RBM6: variants seen among roughly 807,000 people sequenced by gnomAD.
RBM6 encodes RNA binding motif protein 6.
Under a neutral mutation model 140.4 loss-of-function variants are expected in RBM6, and 23 were observed. That is an observed-to-expected ratio of 0.16 (90% CI 0.12 to 0.23). The LOEUF (loss-of-function observed/expected upper bound fraction) is 0.23. Among genes scored for constraint, RBM6 ranks in the 10% least tolerant of loss-of-function variants. The probability of loss-of-function intolerance (pLI) is 1.00; values close to 1 mark genes in which losing one functional copy is unlikely to be tolerated. For synonymous variants in RBM6, 439 were observed against 475.6 expected, an observed-to-expected ratio of 0.92 and a Z score of 1.00; for missense variants, 1,139 against 1,386.7, an observed-to-expected ratio of 0.82 and a Z score of 2.84.
intron 1 of RBM6, among the ~76,000 whole-genome samples, chr3:49,956,743 G>A (rs950721981): frequency 1.3e-5 from 2 of 151,802 alleles, no homozygotes; most frequent in Non-Finnish European, 2.9e-5. Context: ...TCAGCTCACC[G>A]CAGCCTCCGC....
chr3:50,058,520 T>C lies in RBM6; in HGVS notation c.2088T>C (p.Pro696=), dbSNP rs762858852. The C allele has an allele frequency of 1.2e-6, 2 of 1,610,838 alleles. No individual in the cohort carries two copies. Among genetic ancestry groups the C allele is most frequent in the South Asian group, 1.1e-5 (1 of 91,000 alleles). Residue 696 remains proline (P), a synonymous_variant, in exon 10 of 21, where the codon CCT becomes CCC. Coordinates refer to ENST00000266022, the MANE Select transcript of RBM6 (RefSeq NM_005777.3). The part of the protein sequence containing the change: ...NVRIIKNRTG[P]MGHTYGFIDL... ...GTATCATCAAGAACAGAACAGGCCCTATGGGGCATACCTATGGCTTTATTG... is the reference window on the plus strand; with the variant it reads ...GTATCATCAAGAACAGAACAGGCCCCATGGGGCATACCTATGGCTTTATTG...
rs774093880 is a variant in RBM6, at chr3:50,058,522, T to C, written c.2090T>C (p.Met697Thr). 2 of 1,611,174 alleles carry C rather than the reference T, an allele frequency of 1.2e-6. No homozygotes were observed. The highest frequency in any genetic ancestry group is 2.2e-5 in the East Asian group (1 of 44,870). The change falls in exon 10 of 21, where the codon ATG becomes ACG. Residue 697 changes from methionine (M) to threonine (T), a missense_variant. Coordinates refer to ENST00000266022, the MANE Select transcript of RBM6 (RefSeq NM_005777.3). ...ATCATCAAGAACAGAACAGGCCCTA[T>C]GGGGCATACCTATGGCTTTATTGAC... is the stretch of plus-strand genomic sequence containing the variant. ...VRIIKNRTGP[M>T]GHTYGFIDLD...
At chr3:49,974,939 G>C (rs1381155762) in intron 4 of RBM6, among the ~76,000 whole-genome samples, 1 of 151,624 alleles carries the variant, frequency 6.6e-6, no homozygotes, top group African/African-American at 2.4e-5. Context: ...CACCCGCCTT[G>C]GATTCCCAAA....
intron 2 of RBM6, among the ~76,000 whole-genome samples, chr3:49,965,392 G>A (rs1446078308): frequency 6.6e-6 from 1 of 152,192 alleles, no homozygotes; most frequent in East Asian, 1.9e-4. Context: ...CATCTAGGGC[G>A]GGCGTGGCGG....
At chr3:50,031,096 G>C (rs1257138722) in intron 6 of RBM6, among the ~76,000 whole-genome samples, 1 of 152,234 alleles carries the variant, frequency 6.6e-6, no homozygotes, top group Non-Finnish European at 1.5e-5. Flanking sequence ...GTGCTGGAGA[G>C]GATGTGGAGA....
intron 1 of RBM6, among the ~76,000 whole-genome samples, chr3:49,949,024 T>G (rs1028974144): frequency 4.7e-5 from 7 of 149,576 alleles, no homozygotes; most frequent in Admixed American, 2.7e-4. Flanking sequence ...AGAGATGGAG[T>G]TTCACTATAT....
chr3:49,993,358 A>G (rs927396192), intron 5 of RBM6, among the ~76,000 whole-genome samples: 1 of 152,170 alleles, frequency 6.6e-6, no homozygotes, highest in African/African-American at 2.4e-5. Flanking sequence ...TAGTTTTTGA[A>G]AATTTAGGTC....
chr3:49,942,182 T>C (rs1575497117), intron 1 of RBM6, among the ~76,000 whole-genome samples: 2 of 152,174 alleles, frequency 1.3e-5, no homozygotes, highest in East Asian at 3.9e-4. Context: ...AATTTGCTCT[T>C]TAAACCATTG....
At chr3:50,009,735 G>T (rs1316165789) in intron 6 of RBM6, among the ~76,000 whole-genome samples, 1 of 151,308 alleles carries the variant, frequency 6.6e-6, no homozygotes, top group South Asian at 2.1e-4. Context: ...TTTTGAGGGG[G>T]TAGAGGGGAG....
chr3:49,942,713 TGA>T (rs571076735), intron 1 of RBM6, among the ~76,000 whole-genome samples: 16 of 152,074 alleles, frequency 1.1e-4, no homozygotes, highest in African/African-American at 3.9e-4. Flanking sequence ...GCCAACATGG[TGA>T]AACCCCGTAT....
intron 1 of RBM6, 121 bp downstream of exon 1, chr3:49,940,346 G>A (rs1424456007): frequency 6.6e-6 from 1 of 152,400 alleles, no homozygotes; most frequent in Non-Finnish European, 1.5e-5. Flanking sequence ...AGTGTCGCGG[G>A]GCGGCTGCGG....
chr3:50,010,259 C>A (rs1264499329), intron 6 of RBM6, among the ~76,000 whole-genome samples: 4 of 152,036 alleles, frequency 2.6e-5, no homozygotes, highest in Non-Finnish European at 5.9e-5. Context: ...GTATATATTA[C>A]CAAAATCTGT....
intron 3 of RBM6, among the ~76,000 whole-genome samples, chr3:49,969,803 C>G (rs994892030): frequency 4.0e-5 from 6 of 151,430 alleles, no homozygotes; most frequent in Admixed American, 1.3e-4. Flanking sequence ...GAGTCTTGCT[C>G]TGTCGCTCAG....
chr3:50,065,871 T>C (rs1210598377), intron 16 of RBM6, among the ~76,000 whole-genome samples: 2 of 152,236 alleles, frequency 1.3e-5, no homozygotes. Context: ...AAATCCTCTT[T>C]GCTAGAGTCT....
At chr3:49,984,639 TC>T (rs2085475540) in intron 5 of RBM6, among the ~76,000 whole-genome samples, 3 of 79,498 alleles carry the variant, frequency 3.8e-5, no homozygotes, top group South Asian at 3.2e-4. Flanking sequence ...TCGCATCGCA[TC>T]GCATCGCATC....
At chr3:50,035,407 G>T (rs12498032) in intron 6 of RBM6, among the ~76,000 whole-genome samples, 7 of 152,064 alleles carry the variant, frequency 4.6e-5, no homozygotes, top group African/African-American at 1.7e-4. Context: ...TCAGGACAGG[G>T]TGCGGTGGCT....
chr3:50,066,142 C>T, intron 16 of RBM6, 100 bp from the exon 17 acceptor site: 1 of 1,301,184 alleles, frequency 7.7e-7, no homozygotes, highest in South Asian at 1.6e-5. Context: ...TATTTTGAAC[C>T]CAATTCAATG....
In RBM6 at chr3:49,999,445, G is replaced by A. The variant is rs1399936871; in HGVS notation, c.1489G>A (p.Asp497Asn). Residue 497 changes from aspartate to asparagine, a missense_variant, in exon 6 of 21, where the codon GAC becomes AAC. Coordinates refer to ENST00000266022, the MANE Select transcript of RBM6 (RefSeq NM_005777.3). ...TATTTAAATGCTGTCCCCAGGTTAC[G>A]ACTATGGCTATGTCTGCGTGGAGTT... ...LQLKEYNTGY[D>N]YGYVCVEFSL... is the part of the protein sequence containing the mutation. The A allele has an allele frequency of 6.2e-7, 1 of 1,613,568 alleles. No individual in the cohort carries two copies. Among genetic ancestry groups the A allele is most frequent in the Admixed American group, 1.7e-5 (1 of 60,004 alleles).
intron 6 of RBM6, among the ~76,000 whole-genome samples, chr3:50,029,531 G>A (rs530041640): frequency 3.9e-5 from 6 of 152,146 alleles, no homozygotes; most frequent in Non-Finnish European, 8.8e-5. Flanking sequence ...TCAGGAGTTC[G>A]AGACCAGCCT....
Sources: gnomAD v4.1 joint callset for allele counts (sites outside exome capture counted in the v4.1 genomes callset) on GRCh38, gnomAD v4.1.1 for gene constraint, MANE v1.5 for transcripts, NCBI Gene and HGNC (gene_info 2026-07-23, HGNC 2026-07-21) for gene names.